Variants in CPNE8 observed in about 807,000 individuals in gnomAD.
CPNE8 encodes copine-8.
CPNE8 carries 45 observed loss-of-function variants against 81.5 expected under a neutral mutation model. The observed-to-expected ratio is 0.55, with a 90% CI of 0.44 to 0.71. The LOEUF (loss-of-function observed/expected upper bound fraction) is 0.71, where lower values mean the gene tolerates loss of function less well. Ranked by LOEUF, CPNE8 falls within the 30% of genes least tolerant of loss-of-function variation. The pLI is 0.00. For missense variants in CPNE8, 594 were observed against 672.1 expected (o/e 0.88, Z 1.28); for synonymous variants, 252 against 226.3 (o/e 1.11, Z -1.02).
Position 38,836,299 on chromosome 12 carries a change from A to G in CPNE8, c.330+3617T>C, listed in dbSNP as rs1483008028. Among the ~76,000 whole-genome samples the G allele has an allele frequency of 2.6e-5, 4 of 152,198 alleles. No homozygotes were observed. In the East Asian group the frequency reaches 7.7e-4, roughly 29 times the overall value. ...TTCCATAAGTCTTTGTCTGGTGCAC[A>G]ATGATTTTCACTAAAACACGTTTCC... On this transcript the variant is annotated intron_variant, in intron 5 of 19. Transcript: ENST00000331366.
At chr12:38,886,934 T>G (rs1944245803) in intron 1 of CPNE8, among the ~76,000 whole-genome samples, 1 of 151,836 alleles carries the variant, frequency 6.6e-6, no homozygotes, top group Non-Finnish European at 1.5e-5. Flanking sequence ...AAAAAAGTTG[T>G]GAATATATGG....
intron 6 of CPNE8, among the ~76,000 whole-genome samples, chr12:38,787,843 C>T (rs1384446953): frequency 2.0e-5 from 3 of 151,190 alleles, no homozygotes; most frequent in Non-Finnish European, 4.4e-5. Context: ...AAGAAATCTA[C>T]AAGAAATGAA....
Position 38,840,008 on chromosome 12 carries a change from A to G in CPNE8, c.291-53T>C, listed in dbSNP as rs931239920. 16 of 1,487,368 alleles carry G rather than the reference A, an allele frequency of 1.1e-5. No individual in the cohort carries two copies. In the African/African-American group the frequency reaches 1.5e-4, roughly 14 times the overall value. The allele number at this position is 1,487,368 out of a possible 1,614,324, so 92.1% of individuals were successfully genotyped here. On this transcript the variant is annotated intron_variant, in intron 4 of 19. Transcript: ENST00000331366. Reference sequence around the variant, plus strand: ...TTATTTCCACAAAATACAGCTAGAAAAAAAACCAGTATTTTCCAAAACACA... The same window carrying G: ...TTATTTCCACAAAATACAGCTAGAAGAAAAACCAGTATTTTCCAAAACACA...
chr12:38,905,400 G>A, intron 1 of CPNE8, 37 bp downstream of exon 1: 1 of 1,545,326 alleles, frequency 6.5e-7, no homozygotes, highest in Non-Finnish European at 8.7e-7. Context: ...CCCCACAGAT[G>A]AGAGGGCAGG....
chr12:38,775,314 GA>G (rs1941908435), intron 7 of CPNE8, among the ~76,000 whole-genome samples: 1 of 152,058 alleles, frequency 6.6e-6, no homozygotes. Flanking sequence ...TAAAGCTACA[GA>G]ATTTATCTAA....
chr12:38,894,352 A>T (rs577786504), intron 1 of CPNE8, among the ~76,000 whole-genome samples: 2 of 152,286 alleles, frequency 1.3e-5, no homozygotes, highest in African/African-American at 4.8e-5. Flanking sequence ...AAATTTTTTT[A>T]ATTTACTAAT....
intron 3 of CPNE8, among the ~76,000 whole-genome samples, chr12:38,866,026 C>A (rs905559066): frequency 5.3e-5 from 8 of 152,192 alleles, no homozygotes; most frequent in African/African-American, 1.9e-4. Context: ...TGCCAGTCTG[C>A]AGATCTCTTT....
chr12:38,791,413 A>T (rs1487062338), intron 6 of CPNE8, among the ~76,000 whole-genome samples: 4 of 151,704 alleles, frequency 2.6e-5, no homozygotes, highest in African/African-American at 9.7e-5. Flanking sequence ...AAATTGAGTT[A>T]CAGATTAATG....
At chr12:38,811,994 A>C (rs1942946189) in intron 6 of CPNE8, among the ~76,000 whole-genome samples, 1 of 152,208 alleles carries the variant, frequency 6.6e-6, no homozygotes, top group African/African-American at 2.4e-5. Flanking sequence ...AAATAAGCAC[A>C]TAGTAATGAT....
chr12:38,669,981 C>T (rs1009743170), intron 19 of CPNE8, among the ~76,000 whole-genome samples: 8 of 152,086 alleles, frequency 5.3e-5, no homozygotes, highest in African/African-American at 9.7e-5. Context: ...CTTAAAAACT[C>T]GTGGCCTGTA....
At chr12:38,693,631 A>T in intron 15 of CPNE8, 26 bp downstream of exon 15, 2 of 1,586,732 alleles carry the variant, frequency 1.3e-6, no homozygotes. Flanking sequence ...TTTTCAAAAC[A>T]TCAAATCCTT....
At chr12:38,808,587 A>C (rs1458895319) in intron 6 of CPNE8, among the ~76,000 whole-genome samples, 1 of 116,546 alleles carries the variant, frequency 8.6e-6, no homozygotes, top group Non-Finnish European at 1.6e-5. Flanking sequence ...GGAACATCAC[A>C]CTCTGGGGAC....
At chr12:38,787,512 A>T (rs1309141229) in intron 6 of CPNE8, among the ~76,000 whole-genome samples, 1 of 151,674 alleles carries the variant, frequency 6.6e-6, no homozygotes, top group African/African-American at 2.4e-5. Flanking sequence ...AAAAACTTCA[A>T]ATGAACAATC....
chr12:38,666,742 G>A (rs981456553), intron 19 of CPNE8, among the ~76,000 whole-genome samples: 5 of 152,106 alleles, frequency 3.3e-5, no homozygotes. Flanking sequence ...AATCTTAAAT[G>A]CCATGTTTAG....
chr12:38,768,434 G>C (rs1364141866), intron 7 of CPNE8, among the ~76,000 whole-genome samples: 1 of 152,098 alleles, frequency 6.6e-6, no homozygotes, highest in Non-Finnish European at 1.5e-5. Context: ...ACACATTATT[G>C]ATAACCATTT....
chr12:38,799,635 A>C (rs1306393863), intron 6 of CPNE8, among the ~76,000 whole-genome samples: 1 of 152,156 alleles, frequency 6.6e-6, no homozygotes, highest in Non-Finnish European at 1.5e-5. Context: ...CAATTAAAAG[A>C]ACTAGAAAAG....
intron 6 of CPNE8, among the ~76,000 whole-genome samples, chr12:38,780,427 T>A (rs912263605): frequency 6.6e-6 from 1 of 152,060 alleles, no homozygotes; most frequent in Non-Finnish European, 1.5e-5. Context: ...AGATGCAATG[T>A]TTGAAGAGAT....
rs575056623 is a variant in CPNE8 at position 38,783,186 on chromosome 12, G to A, written c.408-6885C>T. Among the ~76,000 whole-genome samples the A allele has an allele frequency of 3.2e-4, 49 of 152,260 alleles. No homozygotes were observed. In the South Asian group the frequency reaches 9.8e-3, roughly 30 times the overall value. Reference sequence around the variant, plus strand: ...TTCACAAAATTTAGGACATAGATAAGACTGGTGGAAGGCGGAGCAAGATGA... The same window carrying A: ...TTCACAAAATTTAGGACATAGATAAAACTGGTGGAAGGCGGAGCAAGATGA... On this transcript the variant is annotated intron_variant, in intron 6 of 19. Coordinates refer to ENST00000331366, the MANE Select transcript of CPNE8 (RefSeq NM_153634.3).
chr12:38,736,300 T>C (rs970355836), intron 10 of CPNE8, among the ~76,000 whole-genome samples: 16 of 151,600 alleles, frequency 1.1e-4, no homozygotes, highest in Non-Finnish European at 2.1e-4. Context: ...ATTATGATTA[T>C]TGAATATTTT....
Sources: gnomAD v4.1 joint callset for allele counts (sites outside exome capture counted in the v4.1 genomes callset) on GRCh38, gnomAD v4.1.1 for gene constraint, MANE v1.5 for transcripts, NCBI Gene and HGNC (gene_info 2026-07-23, HGNC 2026-07-21) for gene names.